The following RASGRF1 variants were observed in gnomAD, a reference collection of about 807,000 sequenced individuals.
The protein encoded by RASGRF1 is Ras protein specific guanine nucleotide releasing factor 1, also known as ras-specific guanine nucleotide-releasing factor 1.
A neutral mutation model predicts 138.7 loss-of-function variants in RASGRF1; 40 were observed. The observed-to-expected ratio is 0.29, with a 90% confidence interval of 0.22 to 0.38. The LOEUF (loss-of-function observed/expected upper bound fraction) is 0.38. Among genes scored for constraint, RASGRF1 ranks in the 10% least tolerant of loss-of-function variants. RASGRF1 has a pLI of 1.00. For synonymous variants in RASGRF1, 614 were observed against 663.2 expected (o/e 0.93, Z 1.14); for missense variants, 1,108 against 1,650.4 (o/e 0.67, Z 5.69).
intron 13 of RASGRF1, among the ~76,000 whole-genome samples, chr15:79,011,947 T>C (rs1310201956): frequency 1.3e-5 from 2 of 148,424 alleles, no homozygotes; most frequent in East Asian, 4.0e-4. Context: ...GCCCAGGAAG[T>C]AGAGGCTGCA....
chr15:79,030,642 G>A (rs370699477), intron 8 of RASGRF1, among the ~76,000 whole-genome samples: 66 of 152,276 alleles, frequency 4.3e-4, no homozygotes, highest in East Asian at 3.9e-3. Flanking sequence ...TCTCCAGCTC[G>A]GTTGATGGCA....
intron 13 of RASGRF1, among the ~76,000 whole-genome samples, chr15:79,007,331 G>C (rs2056699616): frequency 6.6e-6 from 1 of 152,202 alleles, no homozygotes; most frequent in African/African-American, 2.4e-5. Context: ...TACGCCACTG[G>C]AATCGTCTTT....
At chr15:79,013,688 A>T (rs565502916) in intron 13 of RASGRF1, among the ~76,000 whole-genome samples, 21 of 152,296 alleles carry the variant, frequency 1.4e-4, no homozygotes, top group African/African-American at 4.8e-4. Context: ...TGGAGGCCAG[A>T]GAGCCAGTGG....
intron 10 of RASGRF1, among the ~76,000 whole-genome samples, chr15:79,022,623 C>A (rs2056977649): frequency 6.6e-6 from 1 of 152,146 alleles, no homozygotes; most frequent in South Asian, 2.1e-4. Flanking sequence ...CCAGCCTAGA[C>A]AGAGATCTTA....
At chr15:79,029,084 A>G (rs1457240532) in intron 8 of RASGRF1, among the ~76,000 whole-genome samples, 1 of 152,250 alleles carries the variant, frequency 6.6e-6, no homozygotes, top group East Asian at 1.9e-4. Flanking sequence ...ATTGGTTGCA[A>G]AAGAGTTATT....
At chr15:78,967,321 A>G (rs2141588982) in intron 26 of RASGRF1, among the ~76,000 whole-genome samples, 1 of 152,228 alleles carries the variant, frequency 6.6e-6, no homozygotes, top group South Asian at 2.1e-4. Flanking sequence ...CGAGGCAGGC[A>G]GATCACTTGA....
At position 78,973,633 on chromosome 15, in the gene RASGRF1, T is replaced by C. The variant is rs776194976; in HGVS notation, c.3495-213A>G. ...GTCCTCTGGGGTGGTGGGGGCAACA[T>C]GGTGCTGACTGGGGCCTCTTACACC... is the stretch of plus-strand genomic sequence containing the variant. On this transcript the variant is annotated intron_variant, in intron 24 of 26. Transcript: ENST00000558480. The surrounding 1 kb of genome is among the most constrained non-coding windows in gnomAD (Gnocchi z 4.9). Among the ~76,000 whole-genome samples the C allele has an allele frequency of 9.2e-5, 14 of 152,012 alleles. No individual in the cohort carries two copies. Among genetic ancestry groups the C allele is most frequent in the East Asian group, 1.9e-4 (1 of 5,180 alleles).
chr15:78,985,926 G>GAAAAAAAAAAAAAAAAAAAAAAAA (rs10584043), intron 22 of RASGRF1: 2 of 83,374 alleles, frequency 2.4e-5, no homozygotes, highest in African/African-American at 5.0e-5. Flanking sequence ...CTCCATCTCA[G>GAAAAAAAAAAAAAAAAAAAAAAAA]AAAAAAAAAA....
rs1371438701 is a variant in RASGRF1, at chr15:79,060,548, AC to A, written c.384-2068del. The stretch of plus-strand genomic sequence containing the variant: ...GGGAGCCAGGATCTGGGACTCCACC[AC>A]CCCCGCTCAGGCACCCATGTCCTGT... On this transcript the variant is annotated intron_variant, in intron 2 of 26. Coordinates refer to ENST00000558480, the MANE Select transcript of RASGRF1 (RefSeq NM_001145648.3). Among the ~76,000 whole-genome samples, 8 of 151,998 alleles carry A rather than the reference AC, an allele frequency of 5.3e-5. No individual in the cohort carries two copies. The East Asian group carries it at 1.5e-3, about 29-fold the overall frequency.
rs71148584 is a variant in RASGRF1 at position 78,978,220 on chromosome 15, G to GTTTTT, written c.3494+2395_3494+2399dup. On this transcript the variant is annotated intron_variant, in intron 24 of 26. Coordinates refer to ENST00000558480, the MANE Select transcript of RASGRF1 (RefSeq NM_001145648.3). Reference sequence around the variant, plus strand: ...CTTCTTTTTCTTTTTCTTTTCTTTTGTTTTTTTTTTTTTTTTTTTTTTTTG... The same window carrying GTTTTT: ...CTTCTTTTTCTTTTTCTTTTCTTTTGTTTTTTTTTTTTTTTTTTTTTTTTTTTTTG... Among the ~76,000 whole-genome samples, 89 of 125,084 alleles carry GTTTTT rather than the reference G, an allele frequency of 7.1e-4. 4 individuals carry two copies. Among genetic ancestry groups the GTTTTT allele is most frequent in the African/African-American group, 2.3e-3 (58 of 24,820 alleles). 82.1% of individuals were successfully genotyped at this position (125,084 alleles called of 152,430 possible).
In RASGRF1 at chr15:78,991,744, G is replaced by C; in HGVS notation, c.3078C>G (p.Ile1026Met). The C allele has an allele frequency of 1.2e-6, 2 of 1,614,156 alleles. No individual in the cohort carries two copies. The highest frequency in any genetic ancestry group is 1.7e-6 in the Non-Finnish European group (2 of 1,179,996). Residue 1026 changes from isoleucine to methionine, a missense_variant, in exon 21 of 27, where the codon ATC (isoleucine) becomes ATG (methionine). This residue lies in a region of RASGRF1 where 686 missense variants were observed against 976.7 expected (regional missense o/e 0.70). Transcript: ENST00000558480. ...EPFENHSALE[I>M]AEQLTLLDHL... Reference sequence around the variant, plus strand: ...GATCTAGCAGGGTCAGCTGCTCCGCGATCTCCAGGGCTGAGTGGTTTTCAA... The same window carrying C: ...GATCTAGCAGGGTCAGCTGCTCCGCCATCTCCAGGGCTGAGTGGTTTTCAA...
chr15:78,976,065 T>C (rs2055864091), intron 24 of RASGRF1, among the ~76,000 whole-genome samples: 1 of 152,052 alleles, frequency 6.6e-6, no homozygotes, highest in African/African-American at 2.4e-5. Flanking sequence ...TGACTGCAAA[T>C]GACCAAAGGA....
chr15:79,018,914 T>A (rs1291218218), intron 11 of RASGRF1, among the ~76,000 whole-genome samples: 1 of 152,150 alleles, frequency 6.6e-6, no homozygotes, highest in African/African-American at 2.4e-5. Flanking sequence ...GTGGCCAAGA[T>A]GAAAGAAGGC....
chr15:78,991,798 G>C lies in RASGRF1; in HGVS notation c.3028-4C>G, dbSNP rs750901578. On this transcript the variant is annotated splice_region_variant and splice_polypyrimidine_tract_variant and intron_variant, in intron 20 of 26. Transcript: ENST00000558480. ...GCTCAGCCTTCACGCCTTCAGCCTG[G>C]TTTTGAGTTGGGGGAGCAACATTTT... 2 of 1,610,188 alleles carry C rather than the reference G, an allele frequency of 1.2e-6. No homozygotes were observed. The highest frequency in any genetic ancestry group is 1.7e-6 in the Non-Finnish European group (2 of 1,176,810).
chr15:78,980,729 C>T, intron 23 of RASGRF1, 30 bp from the exon 24 acceptor site: 1 of 1,526,520 alleles, frequency 6.6e-7, no homozygotes, highest in South Asian at 1.1e-5. Flanking sequence ...TTTACTAACA[C>T]ACAGCACACG....
chr15:79,089,799 A>ATTACACG (rs2058029367), intron 1 of RASGRF1, among the ~76,000 whole-genome samples: 1 of 152,198 alleles, frequency 6.6e-6, no homozygotes, highest in Non-Finnish European at 1.5e-5. Flanking sequence ...AGCGCGGGGA[A>ATTACACG]TTACACGTTC....
chr15:79,090,590 C>T lies in RASGRF1; in HGVS notation c.-92G>A. ...CGCGCTGCGCGCTGCCTCTCTCTGGCGCTCGCTCGCTCGCTCCCTCTAGCT... is the reference window on the plus strand; with the variant it reads ...CGCGCTGCGCGCTGCCTCTCTCTGGTGCTCGCTCGCTCGCTCCCTCTAGCT... On this transcript the variant is annotated 5_prime_UTR_variant, in exon 1 of 27. Transcript: ENST00000558480. 1.3e-6 allele frequency: 2 copies of T among 1,508,752 alleles called. No homozygotes were observed. The highest frequency in any genetic ancestry group is 1.8e-6 in the Non-Finnish European group (2 of 1,115,664). 93.5% of individuals were successfully genotyped at this position (1,508,752 alleles called of 1,614,324 possible).
At chr15:79,052,367 T>C (rs373967253) in intron 3 of RASGRF1, among the ~76,000 whole-genome samples, 35 of 152,348 alleles carry the variant, frequency 2.3e-4, no homozygotes, top group African/African-American at 7.5e-4. Context: ...GATTGCTGCA[T>C]TGCTTGCTTT....
intron 24 of RASGRF1, chr15:78,978,723 C>A: frequency 9.2e-7 from 1 of 1,091,584 alleles, no homozygotes; most frequent in Non-Finnish European, 1.1e-6. Context: ...CAACACCGCT[C>A]TTTGTGAAAA....
Sources: gnomAD v4.1 joint callset for allele counts (sites outside exome capture counted in the v4.1 genomes callset) on GRCh38, gnomAD v4.1.1 for gene constraint, gnomAD v4.1.1 regional missense constraint, Gnocchi (gnomAD v3.1) non-coding constraint, MANE v1.5 for transcripts, NCBI Gene and HGNC (gene_info 2026-07-23, HGNC 2026-07-21) for gene names.